SMIM45: variants seen among roughly 807,000 people sequenced by gnomAD.
The protein encoded by SMIM45 is small integral membrane protein 45, also known as long intergenic non-protein coding RNA 634.
At chr22:41,951,366 A>G in the SMIM45 span, among the ~76,000 whole-genome samples, 1 of 152,090 alleles carries the variant, frequency 6.6e-6, no homozygotes, top group African/African-American at 2.4e-5. Context: ...TTTGAATTCC[A>G]GCTCAGTCAC....
At chr22:41,956,451 T>G in the SMIM45 span, among the ~76,000 whole-genome samples, 1 of 152,214 alleles carries the variant, frequency 6.6e-6, no homozygotes, top group African/African-American at 2.4e-5. Flanking sequence ...CTTCAATGGG[T>G]GTTTGTTCAC....
At chr22:41,953,776 A>T in the SMIM45 span, among the ~76,000 whole-genome samples, 5 of 104,310 alleles carry the variant, frequency 4.8e-5, no homozygotes, top group South Asian at 3.4e-4. Flanking sequence ...TTTGAGATGG[A>T]GTCTCGCTCT....
chr22:41,953,753 T>TG, the SMIM45 span, among the ~76,000 whole-genome samples: 2 of 83,134 alleles, frequency 2.4e-5, no homozygotes, highest in Admixed American at 1.4e-4. Flanking sequence ...TTTTTTTTTT[T>TG]TTTTTTTTTT....
chr22:41,950,940 C>T, the SMIM45 span, among the ~76,000 whole-genome samples: 4 of 152,196 alleles, frequency 2.6e-5, no homozygotes, highest in Non-Finnish European at 5.9e-5. Context: ...TGCAGTGAGC[C>T]GAGATTGCGC....
At chr22:41,951,679 T>C in the SMIM45 span, among the ~76,000 whole-genome samples, 3 of 152,178 alleles carry the variant, frequency 2.0e-5, no homozygotes, top group African/African-American at 7.2e-5. Flanking sequence ...TTAATTGAGT[T>C]AATATAATCA....
chr22:41,952,021 C>T, the SMIM45 span: 1 of 152,496 alleles, frequency 6.6e-6, no homozygotes, highest in East Asian at 1.9e-4. Flanking sequence ...TGCACAGTAC[C>T]AGGGATCCAG....
chr22:41,955,592 G>A, the SMIM45 span, among the ~76,000 whole-genome samples: 1 of 152,026 alleles, frequency 6.6e-6, no homozygotes, highest in Non-Finnish European at 1.5e-5. Context: ...GGATCACGAG[G>A]TCAGGAGATC....
At chr22:41,957,853 G>A in the SMIM45 span, 1 of 158,042 alleles carries the variant, frequency 6.3e-6, no homozygotes, top group East Asian at 1.9e-4. Flanking sequence ...AGACGCTAAT[G>A]GTGCGCGACA....
chr22:41,957,340 T>C, the SMIM45 span, among the ~76,000 whole-genome samples: 1 of 150,516 alleles, frequency 6.6e-6, no homozygotes, highest in Non-Finnish European at 1.5e-5. Context: ...ACTACAGGCA[T>C]GCGCCACCAC....
the SMIM45 span, among the ~76,000 whole-genome samples, chr22:41,952,932 C>T: frequency 2.6e-5 from 4 of 152,262 alleles, no homozygotes; most frequent in East Asian, 7.7e-4. Context: ...AGGGAGCAGC[C>T]TCCCTGCCTG....
chr22:41,947,154 C>T, the SMIM45 span: 6 of 1,438,992 alleles, frequency 4.2e-6, no homozygotes, highest in Non-Finnish European at 5.8e-6. Flanking sequence ...CCCTAGAGCG[C>T]GGCCTGGGGG....
At chr22:41,947,101 TC>T in the SMIM45 span, 2 of 1,611,184 alleles carry the variant, frequency 1.2e-6, no homozygotes, top group Non-Finnish European at 1.7e-6. Flanking sequence ...CAACCGTTGC[TC>T]CTGCGGTGCG....
chr22:41,948,419 G>A, the SMIM45 span, among the ~76,000 whole-genome samples: 1 of 152,242 alleles, frequency 6.6e-6, no homozygotes, highest in Non-Finnish European at 1.5e-5. Context: ...TGTGTTCATT[G>A]TTGTAATAAC....
the SMIM45 span, among the ~76,000 whole-genome samples, chr22:41,950,415 T>C: frequency 6.6e-6 from 1 of 152,196 alleles, no homozygotes; most frequent in African/African-American, 2.4e-5. Context: ...TAAAAAGCAC[T>C]TTGGCCAGGT....
At chr22:41,949,486 G>A in the SMIM45 span, among the ~76,000 whole-genome samples, 1 of 152,372 alleles carries the variant, frequency 6.6e-6, no homozygotes, top group African/African-American at 2.4e-5. Context: ...GCCAGTGGCT[G>A]TGGCAGATGG....
chr22:41,957,799 C>CA, the SMIM45 span: 1 of 154,178 alleles, frequency 6.5e-6, no homozygotes, highest in South Asian at 2.0e-4. Flanking sequence ...AGGAGGCGCA[C>CA]AAGTGGCGCA....
At chr22:41,952,010 G>T in the SMIM45 span, among the ~76,000 whole-genome samples, 4 of 152,222 alleles carry the variant, frequency 2.6e-5, no homozygotes, top group Non-Finnish European at 5.9e-5. Flanking sequence ...GCTGTACCAC[G>T]TGCACAGTAC....
chr22:41,949,753 GGGAGCAGCCA>G, the SMIM45 span, among the ~76,000 whole-genome samples: 16 of 152,346 alleles, frequency 1.1e-4, no homozygotes, highest in Admixed American at 1.0e-3. Flanking sequence ...GAGGCCATCG[GGGAGCAGCCA>G]GGAGCAGCAG....
chr22:41,952,870 G>A, the SMIM45 span, among the ~76,000 whole-genome samples: 1 of 152,168 alleles, frequency 6.6e-6, no homozygotes, highest in Non-Finnish European at 1.5e-5. Flanking sequence ...CTGGGGGCCT[G>A]GCTGGGCCTG....
Sources: gnomAD v4.1 joint callset for allele counts (sites outside exome capture counted in the v4.1 genomes callset) on GRCh38, gnomAD v4.1.1 for gene constraint, MANE v1.5 for transcripts, NCBI Gene and HGNC (gene_info 2026-07-23, HGNC 2026-07-21) for gene names.